Variants in FRMD4B observed in about 807,000 individuals in gnomAD.
FRMD4B encodes the protein FERM domain-containing protein 4B.
In FRMD4B, 74 loss-of-function variants were observed where a neutral mutation model predicts 141.5. The observed-to-expected ratio is 0.52, with a 90% CI of 0.43 to 0.63. The LOEUF (loss-of-function observed/expected upper bound fraction) is 0.63. Among genes scored for constraint, FRMD4B ranks in the 30% least tolerant of loss-of-function variants. The pLI is 0.00. For missense variants in FRMD4B, 1,366 were observed against 1,253.4 expected (o/e 1.09, Z -1.36); for synonymous variants, 506 against 467.9 (o/e 1.08, Z -1.05).
At chr3:69,513,700 C>G (rs1227696029) in intron 1 of FRMD4B, among the ~76,000 whole-genome samples, 1 of 151,758 alleles carries the variant, frequency 6.6e-6, no homozygotes, top group African/African-American at 2.4e-5. Flanking sequence ...ATAGGGCAAC[C>G]AAGTGAGATT....
At chr3:69,357,615 C>G (rs1252523479) in intron 1 of FRMD4B, among the ~76,000 whole-genome samples, 5 of 152,132 alleles carry the variant, frequency 3.3e-5, no homozygotes, top group Admixed American at 3.3e-4. Context: ...AGCAGGATCC[C>G]AATTTTTGTC....
At chr3:69,236,178 A>G (rs1422844542) in intron 7 of FRMD4B, among the ~76,000 whole-genome samples, 7 of 151,924 alleles carry the variant, frequency 4.6e-5, no homozygotes, top group African/African-American at 1.7e-4. Context: ...GTTGTCCCTT[A>G]GTAGTGAGGA....
At chr3:69,501,779 A>T (rs1332345497) in intron 1 of FRMD4B, among the ~76,000 whole-genome samples, 42 of 151,980 alleles carry the variant, frequency 2.8e-4, no homozygotes, top group Admixed American at 2.8e-3. Context: ...TATCTAGAAA[A>T]CCCCACTGTC....
At chr3:69,281,154 G>T (rs899212834) in intron 5 of FRMD4B, among the ~76,000 whole-genome samples, 5 of 151,186 alleles carry the variant, frequency 3.3e-5, no homozygotes, top group African/African-American at 1.2e-4. Flanking sequence ...GGCTGGTCTC[G>T]AACTTCTGAC....
intron 1 of FRMD4B, among the ~76,000 whole-genome samples, chr3:69,468,402 G>C (rs1188262727): frequency 6.6e-6 from 1 of 152,062 alleles, no homozygotes; most frequent in Non-Finnish European, 1.5e-5. Context: ...ATTCCACTCA[G>C]TGATGTTTAT....
intron 1 of FRMD4B, among the ~76,000 whole-genome samples, chr3:69,317,754 CAA>C (rs765280161): frequency 5.0e-3 from 261 of 52,598 alleles, no homozygotes; most frequent in African/African-American, 0.016. Context: ...GACACCAACT[CAA>C]AAAAAAAAAA....
intron 1 of FRMD4B, among the ~76,000 whole-genome samples, chr3:69,315,266 A>T (rs1034524007): frequency 2.0e-5 from 3 of 152,216 alleles, no homozygotes; most frequent in African/African-American, 7.2e-5. Context: ...ATACTCCTTG[A>T]TTAACTCATG....
At chr3:69,416,013 T>G (rs1056464683) in intron 2 of FRMD4B, among the ~76,000 whole-genome samples, 1 of 152,202 alleles carries the variant, frequency 6.6e-6, no homozygotes, top group Admixed American at 6.5e-5. Context: ...CCCTGTCCTC[T>G]GAGTTAGAAA....
intron 1 of FRMD4B, among the ~76,000 whole-genome samples, chr3:69,330,138 C>T (rs1702316976): frequency 6.6e-6 from 1 of 151,952 alleles, no homozygotes; most frequent in Non-Finnish European, 1.5e-5. Context: ...CAGTGCTTAG[C>T]TCATCCTGGG....
At position 69,427,248 on chromosome 3, in the gene FRMD4B, T is replaced by C. The variant is rs540962494; in HGVS notation, c.-1+5386A>G. On this transcript the variant is annotated intron_variant, in intron 2 of 5. Coordinates refer to the FRMD4B transcript ENST00000459638. ...GGTAAAAATAACTCTGGGAAACAAT[T>C]ACATACTATATAAATATAATATATA... Among the ~76,000 whole-genome samples, 234 of 148,718 alleles carry C rather than the reference T, an allele frequency of 1.6e-3. 2 individuals carry two copies. Among genetic ancestry groups the C allele is most frequent in the Middle Eastern group, 3.6e-3 (1 of 280 alleles).
chr3:69,499,811 T>C (rs2107058470), intron 1 of FRMD4B, among the ~76,000 whole-genome samples: 1 of 152,246 alleles, frequency 6.6e-6, no homozygotes, highest in South Asian at 2.1e-4. Context: ...GCTCAGCCAA[T>C]GATAGAGTGT....
At chr3:69,261,572 T>C (rs2093527483) in intron 5 of FRMD4B, among the ~76,000 whole-genome samples, 1 of 152,252 alleles carries the variant, frequency 6.6e-6, no homozygotes, top group African/African-American at 2.4e-5. Context: ...TTGCATTACA[T>C]GAAACAGACT....
chr3:69,180,777 C>T (rs1023666555), intron 21 of FRMD4B, 122 bp downstream of exon 21: 10 of 661,528 alleles, frequency 1.5e-5, no homozygotes, highest in Non-Finnish European at 2.1e-5. Flanking sequence ...GGGGTTCCAC[C>T]GAATGGTTGC....
intron 2 of FRMD4B, among the ~76,000 whole-genome samples, chr3:69,391,463 T>C (rs1051186875): frequency 1.2e-4 from 16 of 137,410 alleles, no homozygotes; most frequent in Non-Finnish European, 1.7e-4. Flanking sequence ...GTGTTCCCAC[T>C]GTTCAATTCC....
intron 1 of FRMD4B, among the ~76,000 whole-genome samples, chr3:69,331,670 G>A (rs1422272350): frequency 6.6e-6 from 1 of 152,080 alleles, no homozygotes; most frequent in East Asian, 1.9e-4. Flanking sequence ...GATACTAAAA[G>A]CACACTCACT....
intron 13 of FRMD4B, 179 bp from the exon 14 acceptor site, chr3:69,196,575 A>G (rs1287150032): frequency 6.7e-6 from 4 of 594,692 alleles, no homozygotes; most frequent in Non-Finnish European, 8.7e-6. Flanking sequence ...AAGTAGTTAA[A>G]ATGTTTTAAT....
At chr3:69,471,147 T>G (rs12488669) in intron 1 of FRMD4B, among the ~76,000 whole-genome samples, 32,000 of 152,106 alleles carry the variant, frequency 0.21, 3,691 homozygotes, top group East Asian at 0.41. Flanking sequence ...AAGGTAAGAT[T>G]CTTTCAAGGG....
chr3:69,400,125 C>A (rs962486881), intron 2 of FRMD4B, among the ~76,000 whole-genome samples: 3 of 151,530 alleles, frequency 2.0e-5, no homozygotes, highest in African/African-American at 7.3e-5. Context: ...GTGGCTCATG[C>A]CTGTAATCCC....
In FRMD4B at chr3:69,246,923, A is replaced by T. The variant is rs2093429395; in HGVS notation, c.581+2303T>A. On this transcript the variant is annotated intron_variant, in intron 7 of 22. Coordinates refer to ENST00000398540, the MANE Select transcript of FRMD4B (RefSeq NM_015123.3). ...GAACAACTGAAGGACTGTCCCTTTT[A>T]GGCCTTCCTTTGCCTCAGGCAAGGG... 2.0e-5 allele frequency among the ~76,000 whole-genome samples: 3 copies of T among 152,168 alleles called. No individual in the cohort carries two copies. The South Asian group carries it at 6.2e-4, about 32-fold the overall frequency.
Sources: allele counts gnomAD v4.1 joint callset (sites outside exome capture counted in the v4.1 genomes callset), GRCh38; gene constraint gnomAD v4.1.1; transcripts MANE v1.5; gene names NCBI Gene and HGNC (gene_info 2026-07-23, HGNC 2026-07-21).